The following DLG2 variants were observed in gnomAD, a reference collection of about 807,000 sequenced individuals.
DLG2 encodes disks large homolog 2.
In DLG2, 45 loss-of-function variants were observed where a neutral mutation model predicts 132.5. The observed-to-expected ratio is 0.34, with a 90% CI of 0.27 to 0.44. The LOEUF (loss-of-function observed/expected upper bound fraction) is 0.44, where lower values mean the gene tolerates loss of function less well. DLG2 is among the 20% of genes least tolerant of loss of function. The pLI is 1.00. For missense variants in DLG2, 1,045 were observed against 1,196.9 expected (o/e 0.87, Z 1.87); for synonymous variants, 424 against 419.6 (o/e 1.01, Z -0.13).
At chr11:84,296,288 G>C (rs1332119438) in intron 7 of DLG2, among the ~76,000 whole-genome samples, 3 of 151,866 alleles carry the variant, frequency 2.0e-5, no homozygotes, top group African/African-American at 7.3e-5. Context: ...ACAGACACAG[G>C]CCTGTGATAT....
rs541928845 is a variant in DLG2, at chr11:84,002,963, C to T, written c.920-22321G>A. ...ATTCTGAACTATCTCTTTGTGAATGCGTAAAACTCAATGCTTTTAAGAGCA... is the reference window on the plus strand; with the variant it reads ...ATTCTGAACTATCTCTTTGTGAATGTGTAAAACTCAATGCTTTTAAGAGCA... On this transcript the variant is annotated intron_variant, in intron 11 of 27. Transcript: ENST00000376104. Among the ~76,000 whole-genome samples the T allele has an allele frequency of 5.9e-5, 9 of 152,252 alleles. No individual in the cohort carries two copies. In the South Asian group the frequency reaches 6.2e-4, roughly 11 times the overall value.
chr11:85,441,758 T>A (rs1338757670), intron 3 of DLG2, among the ~76,000 whole-genome samples: 1 of 152,170 alleles, frequency 6.6e-6, no homozygotes, highest in African/African-American at 2.4e-5. Context: ...AAAGGCACTG[T>A]TCTAGTCCCT....
intron 7 of DLG2, among the ~76,000 whole-genome samples, chr11:84,304,207 T>C (rs1402524977): frequency 6.6e-6 from 1 of 152,140 alleles, no homozygotes; most frequent in African/African-American, 2.4e-5. Context: ...TGATGCTACA[T>C]GAATTGTCAC....
At chr11:84,398,754 C>T (rs181515536) in intron 7 of DLG2, among the ~76,000 whole-genome samples, 77 of 149,306 alleles carry the variant, frequency 5.2e-4, no homozygotes, top group African/African-American at 2.0e-3. Flanking sequence ...TGGGTTTACA[C>T]AATTCTTACT....
At chr11:83,955,024 G>C (rs1228892090) in intron 14 of DLG2, among the ~76,000 whole-genome samples, 1 of 152,142 alleles carries the variant, frequency 6.6e-6, no homozygotes, top group Non-Finnish European at 1.5e-5. Context: ...TAAATAATTT[G>C]AGGATATTTG....
At chr11:85,524,130 T>C (rs1297377529) in intron 3 of DLG2, among the ~76,000 whole-genome samples, 2 of 152,102 alleles carry the variant, frequency 1.3e-5, no homozygotes, top group Admixed American at 6.6e-5. Context: ...GGATGATTAA[T>C]GGGTATAAAA....
At chr11:85,152,173 T>G (rs549705001) in intron 5 of DLG2, among the ~76,000 whole-genome samples, 4 of 152,206 alleles carry the variant, frequency 2.6e-5, no homozygotes, top group African/African-American at 9.6e-5. Flanking sequence ...TTCTCTAAAG[T>G]ACATGATCAT....
chr11:83,641,643 G>A (rs551087468), intron 18 of DLG2, among the ~76,000 whole-genome samples: 3 of 152,260 alleles, frequency 2.0e-5, no homozygotes, highest in Non-Finnish European at 1.5e-5. Flanking sequence ...GATACGCACT[G>A]GAATGCTCAC....
chr11:84,414,771 C>T (rs1370938050), intron 7 of DLG2, among the ~76,000 whole-genome samples: 1 of 152,134 alleles, frequency 6.6e-6, no homozygotes, highest in African/African-American at 2.4e-5. Flanking sequence ...CTTGCCACTT[C>T]CAGGTTTTAA....
chr11:84,539,515 CA>C (rs1461661715), intron 6 of DLG2, among the ~76,000 whole-genome samples: 1 of 152,182 alleles, frequency 6.6e-6, no homozygotes, highest in Admixed American at 6.5e-5. Flanking sequence ...CTCTGTATTG[CA>C]GTCTGTGCTT....
At chr11:85,466,648 T>C (rs2092801144) in intron 3 of DLG2, among the ~76,000 whole-genome samples, 1 of 152,244 alleles carries the variant, frequency 6.6e-6, no homozygotes, top group South Asian at 2.1e-4. Flanking sequence ...CTGAGGGCTC[T>C]GTCCTGTTCC....
At chr11:84,612,245 T>C (rs2154537841) in intron 6 of DLG2, among the ~76,000 whole-genome samples, 1 of 152,304 alleles carries the variant, frequency 6.6e-6, no homozygotes, top group East Asian at 1.9e-4. Context: ...CTATGTTGCA[T>C]GTGTCAATAG....
At chr11:83,483,125 G>A in intron 22 of DLG2, 1 of 749,534 alleles carries the variant, frequency 1.3e-6, no homozygotes, top group Non-Finnish European at 2.3e-6. Flanking sequence ...TTCACAGCTA[G>A]GTAACAAATA....
intron 18 of DLG2, among the ~76,000 whole-genome samples, chr11:83,752,947 T>C (rs2093395640): frequency 6.6e-6 from 1 of 152,102 alleles, no homozygotes; most frequent in Admixed American, 6.6e-5. Context: ...CAGCTGACAA[T>C]GAGAATGAGG....
At chr11:85,477,609 T>C (rs892445603) in intron 3 of DLG2, among the ~76,000 whole-genome samples, 1 of 152,230 alleles carries the variant, frequency 6.6e-6, no homozygotes, top group Non-Finnish European at 1.5e-5. Flanking sequence ...CTGTATGTTC[T>C]TTAGGTAGGG....
At chr11:85,412,951 T>C (rs550928740) in intron 3 of DLG2, among the ~76,000 whole-genome samples, 61 of 152,002 alleles carry the variant, frequency 4.0e-4, no homozygotes, top group East Asian at 9.6e-4. Flanking sequence ...TTGGATCAAA[T>C]AGTGGTTCCA....
intron 19 of DLG2, among the ~76,000 whole-genome samples, chr11:83,620,933 T>C (rs1317257995): frequency 7.3e-6 from 1 of 136,140 alleles, no homozygotes; most frequent in Non-Finnish European, 1.5e-5. Flanking sequence ...AGATCCAAAA[T>C]ACTCAAGATT....
At chr11:84,629,256 A>C (rs2099627792) in intron 6 of DLG2, among the ~76,000 whole-genome samples, 1 of 152,244 alleles carries the variant, frequency 6.6e-6, no homozygotes, top group Non-Finnish European at 1.5e-5. Context: ...GAAAACAAGA[A>C]ACGTCTGTTC....
intron 3 of DLG2, among the ~76,000 whole-genome samples, chr11:85,471,212 A>G (rs2092973844): frequency 6.6e-6 from 1 of 152,218 alleles, no homozygotes; most frequent in Non-Finnish European, 1.5e-5. Flanking sequence ...GGCAAGAAGA[A>G]CGAATGCAGT....
Sources: allele counts gnomAD v4.1 joint callset (sites outside exome capture counted in the v4.1 genomes callset), GRCh38; gene constraint gnomAD v4.1.1; transcripts MANE v1.5; gene names NCBI Gene and HGNC (gene_info 2026-07-23, HGNC 2026-07-21).